MICAL2: variants seen among roughly 807,000 people sequenced by gnomAD.
MICAL2 encodes microtubule associated monooxygenase, calponin and LIM domain containing 2, also known as [F-actin]-monooxygenase MICAL2.
MICAL2 carries 77 observed loss-of-function variants against 127.3 expected under a neutral mutation model. The observed-to-expected ratio is 0.60, with a 90% CI of 0.50 to 0.73. MICAL2 has a LOEUF of 0.73. Ranked by LOEUF, MICAL2 falls within the 30% of genes least tolerant of loss-of-function variation. MICAL2 has a pLI of 0.00. For synonymous variants in MICAL2, 570 were observed against 551.1 expected, an observed-to-expected ratio of 1.03 and a Z score of -0.48; for missense variants, 1,351 against 1,434.4, an observed-to-expected ratio of 0.94 and a Z score of 0.94.
rs768487978 is a variant in MICAL2, at chr11:12,222,758, G to A, written c.1449+15G>A. On this transcript the variant is annotated intron_variant, in intron 11 of 27. Transcript: ENST00000683283. The stretch of plus-strand genomic sequence containing the variant: ...GGCCCCATCAGGCAAGTCCATTGCT[G>A]GGGCTCTGTCTGAATCACTCTGCAC... 61 of 1,613,992 alleles carry A rather than the reference G, an allele frequency of 3.8e-5. 3 individuals carry two copies. The South Asian group carries it at 6.6e-4, about 17-fold the overall frequency.
rs756795696 is a variant in MICAL2, at chr11:12,190,944, A to G, written c.265-13306A>G. 8.1e-4 allele frequency among the ~76,000 whole-genome samples: 123 copies of G among 152,256 alleles called. 3 individuals carry two copies. The highest frequency in any genetic ancestry group is 1.6e-4 in the Non-Finnish European group (11 of 68,040). On this transcript the variant is annotated intron_variant, in intron 3 of 27. Coordinates refer to ENST00000683283, the MANE Select transcript of MICAL2 (RefSeq NM_001282663.2). ...GCCCCAAGACAGTATCTTCTTAAAT[A>G]TAGACTATTATATTTCAGTTAGCCT...
chr11:12,235,549 C>T (rs1858929374), intron 15 of MICAL2, among the ~76,000 whole-genome samples: 1 of 152,218 alleles, frequency 6.6e-6, no homozygotes, highest in South Asian at 2.1e-4. Context: ...TCACGCTAGT[C>T]ATCAGGCTAT....
intron 29 of MICAL2, among the ~76,000 whole-genome samples, chr11:12,302,243 G>A (rs546062195): frequency 2.0e-5 from 3 of 152,278 alleles, no homozygotes; most frequent in Non-Finnish European, 2.9e-5. Context: ...AGCCTGGCTC[G>A]GGTTTGGTTA....
intron 1 of MICAL2, among the ~76,000 whole-genome samples, chr11:12,277,225 T>C (rs1221482940): frequency 6.6e-6 from 1 of 151,856 alleles, no homozygotes; most frequent in African/African-American, 2.4e-5. Flanking sequence ...TCTTTCATCC[T>C]CCAACTGGCA....
chr11:12,295,144 CTT>C (rs11317430), downstream of MICAL2, among the ~76,000 whole-genome samples: 143 of 137,174 alleles, frequency 1.0e-3, no homozygotes, highest in Admixed American at 1.0e-3. Context: ...AATTTTGTAT[CTT>C]TTTTTTTTTT....
chr11:12,220,390 G>C lies in MICAL2; in HGVS notation c.1138G>C (p.Ala380Pro). 1 of 1,614,076 alleles carries C rather than the reference G, an allele frequency of 6.2e-7. No individual in the cohort carries two copies. The highest frequency in any genetic ancestry group is 8.5e-7 in the Non-Finnish European group (1 of 1,180,038). ...TACCTGCATGTATGCCTCAGAGAAC[G>C]CGGCCCTGGTGCGGGAGCGGCAGGC... ...DFTCMYASEN[A>P]ALVRERQAHQ... is the part of the protein sequence containing the mutation. The change falls in exon 9 of 28, where the codon GCG becomes CCG. Residue 380 changes from alanine to proline, a missense_variant. Physicochemically the swap from Ala to Pro is conservative, Grantham distance 27 (BLOSUM62 -1). Around this residue, in one of 2 missense-constraint regions of MICAL2, gnomAD observed 599 missense variants for 714.9 expected, o/e 0.84. Coordinates refer to ENST00000683283, the MANE Select transcript of MICAL2 (RefSeq NM_001282663.2).
intron 3 of MICAL2, among the ~76,000 whole-genome samples, chr11:12,178,430 T>C (rs963550270): frequency 6.7e-6 from 1 of 149,046 alleles, no homozygotes; most frequent in Non-Finnish European, 1.5e-5. Flanking sequence ...ACAGAAATTA[T>C]AGGCAAAGAC....
chr11:12,257,397 A>G (rs746799888), intron 24 of MICAL2, among the ~76,000 whole-genome samples: 54 of 152,234 alleles, frequency 3.5e-4, no homozygotes, highest in Non-Finnish European at 6.8e-4. Flanking sequence ...TTTTTAAAAT[A>G]ACCATCATAA....
At chr11:12,259,763 G>T in intron 25 of MICAL2, 32 bp from the exon 26 acceptor site, 1 of 1,515,572 alleles carries the variant, frequency 6.6e-7, no homozygotes, top group South Asian at 1.3e-5. Flanking sequence ...AAGACTTACA[G>T]ACAAATGCCC....
intron 3 of MICAL2, among the ~76,000 whole-genome samples, chr11:12,179,922 C>T (rs1426893866): frequency 1.3e-5 from 2 of 152,220 alleles, no homozygotes; most frequent in African/African-American, 2.4e-5. Flanking sequence ...TTTCTTCAGC[C>T]CCTTCCCTTT....
chr11:12,152,079 G>A (rs865846162), intron 2 of MICAL2, among the ~76,000 whole-genome samples: 15 of 151,218 alleles, frequency 9.9e-5, no homozygotes, highest in South Asian at 2.1e-4. Flanking sequence ...CTTGAGGCCA[G>A]GAGTTTGAGA....
At chr11:12,182,773 C>T (rs1857640165) in intron 3 of MICAL2, among the ~76,000 whole-genome samples, 1 of 152,154 alleles carries the variant, frequency 6.6e-6, no homozygotes, top group African/African-American at 2.4e-5. Context: ...TCTGACCCTC[C>T]TCCCACTGTC....
At chr11:12,246,118 A>G (rs1401582677) in intron 21 of MICAL2, among the ~76,000 whole-genome samples, 1 of 152,196 alleles carries the variant, frequency 6.6e-6, no homozygotes, top group Non-Finnish European at 1.5e-5. Flanking sequence ...TACACTTCCC[A>G]AATACCCTGA....
At chr11:12,160,122 G>A (rs1482805718) in intron 2 of MICAL2, among the ~76,000 whole-genome samples, 3 of 152,294 alleles carry the variant, frequency 2.0e-5, no homozygotes, top group Non-Finnish European at 4.4e-5. Context: ...CCGGGAAAGA[G>A]GGAAGGTCGG....
intron 3 of MICAL2, among the ~76,000 whole-genome samples, chr11:12,164,836 A>G (rs1332033482): frequency 1.3e-5 from 2 of 152,194 alleles, no homozygotes; most frequent in Non-Finnish European, 2.9e-5. Context: ...TGAGACAGAT[A>G]ATCAACAGGT....
At chr11:12,144,608 C>G (rs1033426977) in intron 2 of MICAL2, among the ~76,000 whole-genome samples, 2 of 152,124 alleles carry the variant, frequency 1.3e-5, no homozygotes, top group Non-Finnish European at 2.9e-5. Flanking sequence ...TGCTCACAAC[C>G]ATAAATTGCA....
rs566823182 is a variant in MICAL2, at chr11:12,213,301, C to A, written c.738C>A (p.Thr246=). 7.4e-6 allele frequency: 12 copies of A among 1,613,410 alleles called. No individual in the cohort carries two copies. The Admixed American group carries it at 1.8e-4, about 25-fold the overall frequency. The change falls in exon 7 of 28, where the codon ACC becomes ACA. Residue 246 remains threonine (T), a synonymous_variant. Coordinates refer to ENST00000683283, the MANE Select transcript of MICAL2 (RefSeq NM_001282663.2). The part of the protein sequence containing the change: ...EFRGKLAIAI[T]ANFINRNSTA... ...GTGGGAAGCTGGCGATTGCCATCAC[C>A]GCCAACTTCATAAACAGAAACAGCA...
rs777332466 is a variant in MICAL2 at position 12,242,694 on chromosome 11, C to A, written c.2580C>A (p.Asn860Lys). ...ILQKRAQNLA[N>K]REFHTKNIKE... ...AGAAGAGGGCTCAGAACTTGGCCAA[C>A]AGGGAATTTCACACAAAGAACATTA... The change falls in exon 20 of 28, where the codon AAC becomes AAA. Residue 860 changes from asparagine (N) to lysine (K), a missense_variant. Asn to Lys is a moderately conservative substitution (Grantham distance 94). Coordinates refer to ENST00000683283, the MANE Select transcript of MICAL2 (RefSeq NM_001282663.2). 5 of 1,612,786 alleles carry A rather than the reference C, an allele frequency of 3.1e-6. No homozygotes were observed. The South Asian group carries it at 4.4e-5, about 14-fold the overall frequency.
intron 32 of MICAL2, among the ~76,000 whole-genome samples, chr11:12,348,924 A>G (rs1279250914): frequency 6.7e-6 from 1 of 149,952 alleles, no homozygotes; most frequent in Non-Finnish European, 1.5e-5. Flanking sequence ...TTATTATTGT[A>G]TTGCCTGTGT....
Sources: allele counts gnomAD v4.1 joint callset (sites outside exome capture counted in the v4.1 genomes callset), GRCh38; gene constraint gnomAD v4.1.1; regional missense constraint gnomAD v4.1.1; transcripts MANE v1.5; gene names NCBI Gene and HGNC (gene_info 2026-07-23, HGNC 2026-07-21).